Variants in AKAP6 observed in about 807,000 individuals in gnomAD.
AKAP6 encodes A-kinase anchor protein 6.
A neutral mutation model predicts 188.5 loss-of-function variants in AKAP6; 58 were observed. That is an observed-to-expected ratio of 0.31 (90% CI 0.25 to 0.38). AKAP6 has a LOEUF of 0.38. Ranked by LOEUF, AKAP6 falls within the 10% of genes least tolerant of loss-of-function variation. The pLI, the probability that AKAP6 is intolerant of heterozygous loss-of-function variation, is 1.00. For missense variants in AKAP6, 2,710 were observed against 2,740.0 expected (o/e 0.99, Z 0.24); for synonymous variants, 989 against 998.6 (o/e 0.99, Z 0.18).
intron 9 of AKAP6, among the ~76,000 whole-genome samples, chr14:32,717,553 A>G (rs1184884375): frequency 6.6e-6 from 1 of 151,638 alleles, no homozygotes; most frequent in Non-Finnish European, 1.5e-5. Flanking sequence ...CCATCATTAC[A>G]TTCTCCAAAT....
At chr14:32,778,281 G>T (rs1020221005) in intron 12 of AKAP6, among the ~76,000 whole-genome samples, 1 of 152,018 alleles carries the variant, frequency 6.6e-6, no homozygotes, top group Admixed American at 6.6e-5. Context: ...AACTATGTGG[G>T]TTACTATGAA....
chr14:32,817,165 C>A (rs1172268043), intron 12 of AKAP6, among the ~76,000 whole-genome samples: 1 of 152,074 alleles, frequency 6.6e-6, no homozygotes. Flanking sequence ...TACACACCCA[C>A]CATTTAAGCT....
rs141678667 is a variant in AKAP6 at position 32,735,792 on chromosome 14, A to G, written c.3282A>G (p.Leu1094=). ...GGATCAAAGAACTGAAAGGATGGCT[A>G]AGAGATACAGAGCTTTTCATCTTCA... The part of the protein sequence containing the change: ...EVRIKELKGW[L]RDTELFIFNS... The change falls in exon 11 of 14, where the codon CTA becomes CTG. Residue 1094 remains leucine, a synonymous_variant. Coordinates refer to ENST00000280979, the MANE Select transcript of AKAP6 (RefSeq NM_004274.5). 5.4e-5 allele frequency: 87 copies of G among 1,613,454 alleles called. No homozygotes were observed. The highest frequency in any genetic ancestry group is 6.7e-5 in the Non-Finnish European group (79 of 1,179,726).
At chr14:32,800,956 G>A (rs549465997) in intron 12 of AKAP6, among the ~76,000 whole-genome samples, 22 of 152,262 alleles carry the variant, frequency 1.4e-4, no homozygotes, top group African/African-American at 4.8e-4. Context: ...GGTCCAGGCT[G>A]CAGTGAGCCA....
At chr14:32,490,277 C>T (rs1054232184) in intron 2 of AKAP6, among the ~76,000 whole-genome samples, 3 of 152,100 alleles carry the variant, frequency 2.0e-5, no homozygotes, top group Non-Finnish European at 2.9e-5. Flanking sequence ...TGGCTTAGCT[C>T]GGGCTCAGAG....
Position 32,829,915 on chromosome 14 carries a change from G to A in AKAP6, c.*110G>A, listed in dbSNP as rs930566183. On this transcript the variant is annotated 3_prime_UTR_variant, in exon 14 of 14. Coordinates refer to ENST00000280979, the MANE Select transcript of AKAP6 (RefSeq NM_004274.5). Reference sequence around the variant, plus strand: ...CTGGGCTGGCCTCTGGTTCCATCACGTTTGTCACTGCCGTTTATTACATTG... The same window carrying A: ...CTGGGCTGGCCTCTGGTTCCATCACATTTGTCACTGCCGTTTATTACATTG... The A allele has an allele frequency of 1.1e-5, 8 of 702,528 alleles. No individual in the cohort carries two copies. Among genetic ancestry groups the A allele is most frequent in the Admixed American group, 6.0e-5 (3 of 49,968 alleles). 43.5% of individuals were successfully genotyped at this position (702,528 alleles called of 1,614,324 possible). A position where few individuals can be genotyped will look rare whatever the true frequency, so the allele number is the denominator to read the frequency against.
intron 1 of AKAP6, among the ~76,000 whole-genome samples, chr14:32,359,116 A>G (rs183920784): frequency 1.8e-4 from 28 of 152,300 alleles, no homozygotes; most frequent in African/African-American, 4.6e-4. Flanking sequence ...AGAGTTGCCA[A>G]AAAGAGAGAC....
In AKAP6 at chr14:32,821,423, C is replaced by A; in HGVS notation, c.3610C>A (p.Pro1204Thr). 6.2e-7 allele frequency: 1 copy of A among 1,610,768 alleles called. No homozygotes were observed. The highest frequency in any genetic ancestry group is 1.1e-5 in the South Asian group (1 of 90,546). ...KESETLNVID[P>T]GLMDLNGMSE... ...ACAGGAGACTTTGAATGTGATTGAT[C>A]CTGGCTTGATGGACCTAAATGGGAT... The change falls in exon 13 of 14, where the codon CCT becomes ACT. Residue 1204 changes from proline (P) to threonine (T), a missense_variant. Physicochemically the swap from Pro to Thr is conservative, Grantham distance 38. Coordinates refer to ENST00000280979, the MANE Select transcript of AKAP6 (RefSeq NM_004274.5).
At chr14:32,426,249 C>T (rs1465439254) in intron 1 of AKAP6, among the ~76,000 whole-genome samples, 1 of 152,140 alleles carries the variant, frequency 6.6e-6, no homozygotes, top group Non-Finnish European at 1.5e-5. Context: ...TGTATTTGAG[C>T]ATAGCCTGTT....
chr14:32,813,802 T>A, intron 12 of AKAP6, among the ~76,000 whole-genome samples: 1 of 151,980 alleles, frequency 6.6e-6, no homozygotes, highest in East Asian at 1.9e-4. Context: ...TTCACAATCA[T>A]CCTGTTTATA....
chr14:32,700,324 C>T (rs181970739), intron 9 of AKAP6, among the ~76,000 whole-genome samples: 3 of 152,224 alleles, frequency 2.0e-5, no homozygotes, highest in Non-Finnish European at 4.4e-5. Context: ...TCTGGAATTC[C>T]AGACTCCAAG....
chr14:32,655,957 T>C (rs566837939), intron 7 of AKAP6, among the ~76,000 whole-genome samples: 1 of 152,208 alleles, frequency 6.6e-6, no homozygotes, highest in African/African-American at 2.4e-5. Flanking sequence ...TCTGTCTCTC[T>C]TAAGATAAAT....
At chr14:32,348,765 A>C (rs1009491130) in intron 1 of AKAP6, among the ~76,000 whole-genome samples, 1 of 152,144 alleles carries the variant, frequency 6.6e-6, no homozygotes, top group African/African-American at 2.4e-5. Flanking sequence ...GGCTTCTGAT[A>C]CATGCTAAAC....
chr14:32,505,262 C>T (rs535438751), intron 2 of AKAP6, among the ~76,000 whole-genome samples: 1 of 151,472 alleles, frequency 6.6e-6, no homozygotes, highest in South Asian at 2.1e-4. Context: ...TGACAAACCA[C>T]TGCAGTTGAC....
intron 11 of AKAP6, among the ~76,000 whole-genome samples, chr14:32,745,925 A>G (rs1006846794): frequency 1.3e-5 from 2 of 151,996 alleles, no homozygotes; most frequent in African/African-American, 2.4e-5. Context: ...TTCCAAAACC[A>G]GGGGAGCCTC....
intron 12 of AKAP6, among the ~76,000 whole-genome samples, chr14:32,811,796 C>T (rs1311482815): frequency 1.3e-5 from 2 of 152,084 alleles, no homozygotes; most frequent in Non-Finnish European, 2.9e-5. Flanking sequence ...CAGGTAAACC[C>T]ACATGTTGGC....
chr14:32,597,399 T>A (rs1284013475), intron 5 of AKAP6, among the ~76,000 whole-genome samples: 2 of 152,174 alleles, frequency 1.3e-5, no homozygotes, highest in Non-Finnish European at 2.9e-5. Context: ...TGGGTGATCT[T>A]AAGTGTTCTC....
rs944761470 is a variant in AKAP6, at chr14:32,829,887, G to A, written c.*82G>A. On this transcript the variant is annotated 3_prime_UTR_variant, in exon 14 of 14. Coordinates refer to ENST00000280979, the MANE Select transcript of AKAP6 (RefSeq NM_004274.5). ...AACTCAGGGGTGGCCTCATCCTCCC[G>A]CCCTGGGCTGGCCTCTGGTTCCATC... is the stretch of plus-strand genomic sequence containing the variant. 7.3e-5 allele frequency: 51 copies of A among 702,352 alleles called. No homozygotes were observed. Among genetic ancestry groups the A allele is most frequent in the African/African-American group, 3.1e-4 (18 of 57,168 alleles). The allele number at this position is 702,352 out of a possible 1,614,324, so 43.5% of individuals were successfully genotyped here.
rs919663197 is a variant in AKAP6 at position 32,837,513 on chromosome 14, T to C, written c.*7708T>C. 6.6e-6 allele frequency: 1 copy of C among 152,230 alleles called. No individual in the cohort carries two copies. Among genetic ancestry groups the C allele is most frequent in the African/African-American group, 2.4e-5 (1 of 41,462 alleles). 9.4% of individuals were successfully genotyped at this position (152,230 alleles called of 1,614,324 possible). ...ATACTCTAAGGTTTATAGAATTAGT[T>C]TGGTTCCGTTAGTTGATCAAGTTAC... On this transcript the variant is annotated 3_prime_UTR_variant, in exon 14 of 14. Coordinates refer to ENST00000280979, the MANE Select transcript of AKAP6 (RefSeq NM_004274.5).
Sources: gnomAD v4.1 joint callset for allele counts (sites outside exome capture counted in the v4.1 genomes callset) on GRCh38, gnomAD v4.1.1 for gene constraint, MANE v1.5 for transcripts, NCBI Gene and HGNC (gene_info 2026-07-23, HGNC 2026-07-21) for gene names.